EXTL3: variants seen among roughly 807,000 people sequenced by gnomAD.
The protein encoded by EXTL3 is exostosin like glycosyltransferase 3.
EXTL3 carries 27 observed loss-of-function variants against 69.3 expected under a neutral mutation model. That is an observed-to-expected ratio of 0.39 (90% CI 0.29 to 0.54). EXTL3 has a LOEUF of 0.54. EXTL3 is among the 20% of genes least tolerant of loss of function. The pLI is 0.69. For missense variants in EXTL3, 1,003 were observed against 1,231.8 expected, an observed-to-expected ratio of 0.81 and a Z score of 2.78; for synonymous variants, 511 against 499.4, an observed-to-expected ratio of 1.02 and a Z score of -0.31.
At chr8:28,728,602 C>T (rs1298655116) in intron 3 of EXTL3, among the ~76,000 whole-genome samples, 4 of 152,136 alleles carry the variant, frequency 2.6e-5, no homozygotes, top group African/African-American at 7.2e-5. Context: ...AAAGCTCTGG[C>T]CAAGAGTGTT....
At chr8:28,661,067 C>G (rs143007520) in intron 1 of EXTL3, among the ~76,000 whole-genome samples, 2 of 151,490 alleles carry the variant, frequency 1.3e-5, no homozygotes, top group African/African-American at 4.9e-5. Context: ...GTGCCTGCCA[C>G]CACGCCAGGC....
intron 2 of EXTL3, among the ~76,000 whole-genome samples, chr8:28,713,903 C>CTTTTTTTTTT (rs55737430): frequency 8.8e-5 from 10 of 113,772 alleles, no homozygotes; most frequent in African/African-American, 1.4e-4. Context: ...TTCTTTCTTT[C>CTTTTTTTTTT]TTTTTTTTTT....
In EXTL3 at chr8:28,754,170, G is replaced by A. The variant is rs967669796; in HGVS notation, c.*3304G>A. 8 of 152,180 alleles carry A rather than the reference G, an allele frequency of 5.3e-5. No homozygotes were observed. The highest frequency in any genetic ancestry group is 1.9e-4 in the African/African-American group (8 of 41,412). The allele number at this position is 152,180 out of a possible 1,614,324, so 9.4% of individuals were successfully genotyped here. On this transcript the variant is annotated 3_prime_UTR_variant, in exon 7 of 7. Transcript: ENST00000220562. ...ATGCCCCTGACCTATAGGTCACTAAGGCACCTGTACCTGCACCGAGCTGAC... is the reference window on the plus strand; with the variant it reads ...ATGCCCCTGACCTATAGGTCACTAAAGCACCTGTACCTGCACCGAGCTGAC...
At chr8:28,672,817 C>A (rs558624451) in intron 1 of EXTL3, among the ~76,000 whole-genome samples, 3 of 152,254 alleles carry the variant, frequency 2.0e-5, no homozygotes, top group East Asian at 3.9e-4. Flanking sequence ...GGCTGTGTCC[C>A]CATCCAAATC....
chr8:28,690,979 G>C (rs1198751489), intron 1 of EXTL3, among the ~76,000 whole-genome samples: 2 of 152,134 alleles, frequency 1.3e-5, no homozygotes, highest in Admixed American at 1.3e-4. Flanking sequence ...ATTCTGTATT[G>C]CAGGGGTGAA....
intron 4 of EXTL3, among the ~76,000 whole-genome samples, chr8:28,735,865 G>C (rs754705970): frequency 2.6e-5 from 4 of 152,168 alleles, no homozygotes; most frequent in Non-Finnish European, 5.9e-5. Flanking sequence ...TACACAAATG[G>C]CCAGAGCAGC....
rs563743262 is a variant in EXTL3 at position 28,705,707 on chromosome 8, C to T, written c.-570+4048C>T. Among the ~76,000 whole-genome samples the T allele has an allele frequency of 7.9e-5, 12 of 152,254 alleles. No individual in the cohort carries two copies. In the East Asian group the frequency reaches 1.2e-3, roughly 15 times the overall value. On this transcript the variant is annotated intron_variant, in intron 1 of 6. Transcript: ENST00000220562. ...ATAAAAATCATGTATGTTTGAGAAG[C>T]GAAAACCGTTAGATTAGTTTATATT...
At chr8:28,669,312 CTCTT>C (rs1807248386) in intron 1 of EXTL3, among the ~76,000 whole-genome samples, 1 of 152,234 alleles carries the variant, frequency 6.6e-6, no homozygotes, top group South Asian at 2.1e-4. Context: ...CATTGGAACA[CTCTT>C]TCTTAATGGC....
intron 1 of EXTL3, among the ~76,000 whole-genome samples, chr8:28,650,441 T>A (rs543735023): frequency 1.3e-5 from 2 of 152,014 alleles, no homozygotes; most frequent in South Asian, 4.2e-4. Flanking sequence ...CACTGCAACC[T>A]CTGCCTCCTG....
At chr8:28,697,170 T>C (rs1305758677), upstream of EXTL3, 1 of 152,234 alleles carries the variant, frequency 6.6e-6, no homozygotes, top group Admixed American at 6.5e-5. Flanking sequence ...GAACCTTAAA[T>C]ATATTTCTAT....
chr8:28,612,833 C>G (rs1486362658), intron 2 of EXTL3, among the ~76,000 whole-genome samples: 1 of 152,162 alleles, frequency 6.6e-6, no homozygotes. Flanking sequence ...ATCCTCCCAC[C>G]TCAGCCACTC....
At chr8:28,660,844 T>C (rs1807099099) in intron 1 of EXTL3, among the ~76,000 whole-genome samples, 2 of 57,442 alleles carry the variant, frequency 3.5e-5, no homozygotes, top group Non-Finnish European at 1.3e-4. Context: ...TTGGCTTTTT[T>C]TTTTTTTTTT....
intron 3 of EXTL3, among the ~76,000 whole-genome samples, chr8:28,725,326 C>T (rs1208206087): frequency 6.6e-6 from 1 of 152,054 alleles, no homozygotes; most frequent in Non-Finnish European, 1.5e-5. Context: ...TAGCGAGGCA[C>T]CGTCAGGGAG....
intron 6 of EXTL3, among the ~76,000 whole-genome samples, chr8:28,746,352 C>T (rs1429883986): frequency 6.6e-6 from 1 of 152,088 alleles, no homozygotes; most frequent in Non-Finnish European, 1.5e-5. Flanking sequence ...TGAAAAGTCA[C>T]CTGTAAAGTT....
chr8:28,668,866 T>TCTTA (rs1491392810), intron 1 of EXTL3, among the ~76,000 whole-genome samples: 1 of 23,238 alleles, frequency 4.3e-5, no homozygotes, highest in African/African-American at 4.6e-4. Flanking sequence ...ATAGAATCTC[T>TCTTA]TTTTTTTTTT....
At chr8:28,680,097 G>C (rs1807456935) in intron 1 of EXTL3, among the ~76,000 whole-genome samples, 1 of 150,366 alleles carries the variant, frequency 6.7e-6, no homozygotes, top group East Asian at 2.0e-4. Flanking sequence ...CCTTAAAAAA[G>C]AAGGAATTCC....
chr8:28,631,144 T>C lies in EXTL3; in HGVS notation c.-53+8334T>C, dbSNP rs553351807. The stretch of plus-strand genomic sequence containing the variant: ...ACACAGATTCAACTTTAGAGAGGAC[T>C]TTTTTTTTTTTTCTGGAGCTAAATC... On this transcript the variant is annotated intron_variant, in intron 1 of 6. Transcript: ENST00000523149. Among the ~76,000 whole-genome samples, 17 of 62,104 alleles carry C rather than the reference T, an allele frequency of 2.7e-4. No individual in the cohort carries two copies. The South Asian group carries it at 6.6e-3, about 24-fold the overall frequency. 40.7% of individuals were successfully genotyped at this position (62,104 alleles called of 152,430 possible).
chr8:28,711,613 G>T (rs1801033017), intron 1 of EXTL3, among the ~76,000 whole-genome samples: 1 of 152,160 alleles, frequency 6.6e-6, no homozygotes, highest in Non-Finnish European at 1.5e-5. Flanking sequence ...TCCTGAGCCG[G>T]GTAGTCTAGC....
intron 1 of EXTL3, among the ~76,000 whole-genome samples, chr8:28,705,196 A>T (rs1226904088): frequency 6.6e-6 from 1 of 152,182 alleles, no homozygotes; most frequent in Non-Finnish European, 1.5e-5. Context: ...GCTTCCTGGG[A>T]GCAAGGCAAT....
Sources: gnomAD v4.1 joint callset for allele counts (sites outside exome capture counted in the v4.1 genomes callset) on GRCh38, gnomAD v4.1.1 for gene constraint, MANE v1.5 for transcripts, NCBI Gene and HGNC (gene_info 2026-07-23, HGNC 2026-07-21) for gene names.